Variants in ZNF398 observed in about 807,000 individuals in gnomAD.
ZNF398 encodes zinc finger protein 398.
A neutral mutation model predicts 41.9 loss-of-function variants in ZNF398; 18 were observed. That is an observed-to-expected ratio of 0.43 (90% CI 0.30 to 0.64). The LOEUF (loss-of-function observed/expected upper bound fraction) is 0.64, where lower values mean the gene tolerates loss of function less well. ZNF398 is among the 30% of genes least tolerant of loss of function. ZNF398 has a pLI of 0.14. For synonymous variants in ZNF398, 260 were observed against 308.8 expected, an observed-to-expected ratio of 0.84 and a Z score of 1.66; for missense variants, 669 against 822.8, an observed-to-expected ratio of 0.81 and a Z score of 2.29.
intron 2 of ZNF398, among the ~76,000 whole-genome samples, chr7:149,158,493 T>C (rs1795031753): frequency 1.3e-5 from 2 of 152,294 alleles, no homozygotes; most frequent in African/African-American, 4.8e-5. Flanking sequence ...TAGTACATTT[T>C]GTTTGTGCAT....
At position 149,178,878 on chromosome 7, in the gene ZNF398, C is replaced by A. The variant is rs372016731; in HGVS notation, c.1006C>A (p.Pro336Thr). The A allele has an allele frequency of 5.0e-6, 8 of 1,613,998 alleles. No individual in the cohort carries two copies. In the African/African-American group the frequency reaches 9.3e-5, roughly 19 times the overall value. ...FTQLGSYPLP[P>T]PVGEQVFSCH... Reference sequence around the variant, plus strand: ...TCAGTTGGGTAGCTATCCCCTCCCACCTCCAGTTGGCGAGCAGGTGTTCTC... The same window carrying A: ...TCAGTTGGGTAGCTATCCCCTCCCAACTCCAGTTGGCGAGCAGGTGTTCTC... Residue 336 changes from proline (P) to threonine (T), a missense_variant, in exon 6 of 6, where the codon CCT becomes ACT. By Grantham distance (38) the Pro-to-Thr change is conservative (BLOSUM62 -1). Around this residue, in one of 3 missense-constraint regions of ZNF398, gnomAD observed 290 missense variants for 292.9 expected, o/e 0.99. Coordinates refer to ENST00000475153, the MANE Select transcript of ZNF398 (RefSeq NM_170686.3).
In ZNF398 at chr7:149,170,905, A is replaced by T. The variant is rs1795322945; in HGVS notation, c.661+3975A>T. Among the ~76,000 whole-genome samples, 5 of 151,890 alleles carry T rather than the reference A, an allele frequency of 3.3e-5. No individual in the cohort carries two copies. The South Asian group carries it at 1.0e-3, about 32-fold the overall frequency. On this transcript the variant is annotated intron_variant, in intron 4 of 5. Coordinates refer to ENST00000475153, the MANE Select transcript of ZNF398 (RefSeq NM_170686.3). ...ACTTAGGCCACACTAAATTTATAGA[A>T]ACATTTTTTCTTTTTTTTTTTTGAG...
At chr7:149,158,180 A>G (rs1205157678) in intron 2 of ZNF398, among the ~76,000 whole-genome samples, 1 of 151,648 alleles carries the variant, frequency 6.6e-6, no homozygotes, top group Non-Finnish European at 1.5e-5. Flanking sequence ...GGCCAAGGAG[A>G]AAAAAAAAGC....
chr7:149,158,982 A>G (rs950032394), intron 2 of ZNF398, among the ~76,000 whole-genome samples: 6 of 151,938 alleles, frequency 3.9e-5, no homozygotes, highest in South Asian at 2.1e-4. Flanking sequence ...GATTTCCCTT[A>G]AAGATTTTTT....
chr7:149,148,434 GA>G, intron 1 of ZNF398: 1 of 985,564 alleles, frequency 1.0e-6, no homozygotes, highest in Middle Eastern at 5.2e-4. Flanking sequence ...ATGAGAAGGG[GA>G]CGGTCAGGCC....
intron 2 of ZNF398, among the ~76,000 whole-genome samples, chr7:149,161,420 A>G (rs545401372): frequency 2.0e-4 from 31 of 152,174 alleles, no homozygotes; most frequent in Non-Finnish European, 3.1e-4. Flanking sequence ...TTGACTCGCC[A>G]TAGTGGCATG....
chr7:149,176,660 T>C, intron 5 of ZNF398, 79 bp downstream of exon 5: 3 of 885,730 alleles, frequency 3.4e-6, no homozygotes, highest in Non-Finnish European at 5.2e-6. Flanking sequence ...CAGGTGAAAT[T>C]TGTAGAGGCA....
rs77134127 is a variant in ZNF398, at chr7:149,179,928, C to T, written c.*127C>T. 8,469 of 843,082 alleles carry T rather than the reference C, an allele frequency of 0.01. 480 individuals are homozygous for T. In the African/African-American group the frequency reaches 0.13, roughly 13 times the overall value. 52.2% of individuals were successfully genotyped at this position (843,082 alleles called of 1,614,324 possible). A position where few individuals can be genotyped will look rare whatever the true frequency, so the allele number is the denominator to read the frequency against. The stretch of plus-strand genomic sequence containing the variant: ...CTGGCACATCAATGAATTTGGGGTC[C>T]TATACACTTGACTAGAGACATGCTT... On this transcript the variant is annotated 3_prime_UTR_variant, in exon 6 of 6. Transcript: ENST00000475153. This position sits in a 1 kb window ranked among gnomAD's most constrained non-coding sequence, Gnocchi z 6.1.
chr7:149,135,703 C>G (rs922067890), intron 2 of ZNF398, among the ~76,000 whole-genome samples: 12 of 152,056 alleles, frequency 7.9e-5, no homozygotes, highest in African/African-American at 2.9e-4. Flanking sequence ...CCTGTAATCC[C>G]AGCACTTTGG....
chr7:149,137,901 G>C (rs987170455), intron 2 of ZNF398, among the ~76,000 whole-genome samples: 2 of 151,974 alleles, frequency 1.3e-5, no homozygotes, highest in Non-Finnish European at 2.9e-5. Flanking sequence ...TTAAATTTAT[G>C]TTTTCGAAAA....
chr7:149,128,640 G>T (rs1310866304), intron 1 of ZNF398, among the ~76,000 whole-genome samples: 1 of 151,748 alleles, frequency 6.6e-6, no homozygotes, highest in Non-Finnish European at 1.5e-5. Context: ...AGCTATTTGG[G>T]AGGCAGAGGT....
At chr7:149,175,594 T>C (rs1205957666) in intron 4 of ZNF398, among the ~76,000 whole-genome samples, 5 of 152,212 alleles carry the variant, frequency 3.3e-5, no homozygotes, top group Admixed American at 3.3e-4. Context: ...AGCCCAGAAT[T>C]GGGAATCTGA....
Position 149,147,484 on chromosome 7 carries a change from G to A in ZNF398, c.-259G>A, listed in dbSNP as rs1425382657. On this transcript the variant is annotated 5_prime_UTR_variant, in exon 1 of 6. Transcript: ENST00000475153. The surrounding 1 kb of genome is among the most constrained non-coding windows in gnomAD (Gnocchi z 5.6). ...GCTGCCCACAAAGCGCCAGCTGAGG[G>A]GCCGCTGCGGGTGGAGTGCGGCGGA... 3.4e-6 allele frequency: 1 copy of A among 292,574 alleles called. No homozygotes were observed. Among genetic ancestry groups the A allele is most frequent in the African/African-American group, 2.2e-5 (1 of 44,894 alleles). 18.1% of individuals were successfully genotyped at this position (292,574 alleles called of 1,614,324 possible).
intron 2 of ZNF398, 122 bp downstream of exon 2, chr7:149,154,462 G>C: frequency 8.6e-7 from 1 of 1,169,570 alleles, no homozygotes; most frequent in Non-Finnish European, 1.2e-6. Flanking sequence ...ATCTCAGTCT[G>C]AAAGAATCAT....
At chr7:149,141,151 A>C (rs1426076528) in intron 2 of ZNF398, among the ~76,000 whole-genome samples, 1 of 152,118 alleles carries the variant, frequency 6.6e-6, no homozygotes, top group Non-Finnish European at 1.5e-5. Flanking sequence ...GGAGAATCTC[A>C]TCTACAACAC....
chr7:149,127,605 T>A (rs1178204688), intron 1 of ZNF398, among the ~76,000 whole-genome samples: 1 of 143,326 alleles, frequency 7.0e-6, no homozygotes, highest in Non-Finnish European at 1.5e-5. Context: ...TAGTCCCAGC[T>A]CCTAGGGAGG....
chr7:149,138,916 A>ATT (rs35109418), intron 2 of ZNF398, among the ~76,000 whole-genome samples: 19,880 of 144,948 alleles, frequency 0.14, 1,475 homozygotes, highest in Non-Finnish European at 0.15. Flanking sequence ...TGCCCAGCTA[A>ATT]TTTTTTTTTT....
chr7:149,178,876 C>T lies in ZNF398; in HGVS notation c.1004C>T (p.Pro335Leu), dbSNP rs1300797524. 2 of 1,614,128 alleles carry T rather than the reference C, an allele frequency of 1.2e-6. No individual in the cohort carries two copies. The highest frequency in any genetic ancestry group is 1.7e-6 in the Non-Finnish European group (2 of 1,179,976). ...ACTCAGTTGGGTAGCTATCCCCTCCCACCTCCAGTTGGCGAGCAGGTGTTC... is the reference window on the plus strand; with the variant it reads ...ACTCAGTTGGGTAGCTATCCCCTCCTACCTCCAGTTGGCGAGCAGGTGTTC... Reference protein sequence around the residue: ...TFTQLGSYPLPPPVGEQVFSC... With the variant: ...TFTQLGSYPLLPPVGEQVFSC... The change falls in exon 6 of 6, where the codon CCA becomes CTA. Residue 335 changes from proline (P) to leucine (L), a missense_variant. Physicochemically the swap from Pro to Leu is moderately conservative, Grantham distance 98 (BLOSUM62 -3). This residue lies in a region of ZNF398 where 290 missense variants were observed against 292.9 expected (regional missense o/e 0.99). Transcript: ENST00000475153.
chr7:149,161,468 A>G (rs1019104102), intron 2 of ZNF398, among the ~76,000 whole-genome samples: 1 of 152,194 alleles, frequency 6.6e-6, no homozygotes, highest in African/African-American at 2.4e-5. Flanking sequence ...AGGAAGCTGA[A>G]ATCGGAGGAT....
Sources: allele counts gnomAD v4.1 joint callset (sites outside exome capture counted in the v4.1 genomes callset), GRCh38; gene constraint gnomAD v4.1.1; regional missense constraint gnomAD v4.1.1; non-coding constraint Gnocchi (gnomAD v3.1); transcripts MANE v1.5; gene names NCBI Gene and HGNC (gene_info 2026-07-23, HGNC 2026-07-21).